EBF2: variants seen among roughly 807,000 people sequenced by gnomAD.
The protein encoded by EBF2 is transcription factor COE2.
In EBF2, 21 loss-of-function variants were observed where a neutral mutation model predicts 72.8. That is an observed-to-expected ratio of 0.29 (90% CI 0.20 to 0.42). The LOEUF is 0.42. EBF2 is among the 10% of genes least tolerant of loss of function. The pLI is 1.00. For missense variants in EBF2, 637 were observed against 731.2 expected, an observed-to-expected ratio of 0.87 and a Z score of 1.49; for synonymous variants, 299 against 274.2, an observed-to-expected ratio of 1.09 and a Z score of -0.89.
At chr8:26,038,141 C>G (rs542947222) in intron 5 of EBF2, among the ~76,000 whole-genome samples, 14 of 152,294 alleles carry the variant, frequency 9.2e-5, no homozygotes, top group Non-Finnish European at 1.5e-4. Context: ...TTGGATGCAT[C>G]TAATATTTGC....
chr8:25,912,084 G>A (rs888564778), intron 6 of EBF2, among the ~76,000 whole-genome samples: 6 of 152,154 alleles, frequency 3.9e-5, no homozygotes, highest in Admixed American at 2.0e-4. Context: ...CAGGGGTCAC[G>A]GAGTGGAGGG....
At chr8:25,881,170 T>A (rs1238911948) in intron 10 of EBF2, among the ~76,000 whole-genome samples, 1 of 152,216 alleles carries the variant, frequency 6.6e-6, no homozygotes. Context: ...GCCAGAATGA[T>A]CTTTTAAAAG....
At chr8:25,865,092 C>T (rs1802287249) in intron 10 of EBF2, among the ~76,000 whole-genome samples, 1 of 152,156 alleles carries the variant, frequency 6.6e-6, no homozygotes, top group African/African-American at 2.4e-5. Flanking sequence ...TGAGCCACCG[C>T]ACCCGGCCTT....
intron 7 of EBF2, among the ~76,000 whole-genome samples, chr8:25,904,513 G>A (rs1374609937): frequency 1.3e-5 from 2 of 152,132 alleles, no homozygotes; most frequent in Admixed American, 1.3e-4. Context: ...ATTCCATTCA[G>A]ATCAAATCCT....
rs771372860 is a variant in EBF2 at position 25,858,304 on chromosome 8, G to A, written c.1528+15C>T. 9.9e-6 allele frequency: 16 copies of A among 1,613,762 alleles called. No homozygotes were observed. The Middle Eastern group carries it at 1.5e-3, about 150-fold the overall frequency. ...AAAAAAGCATGGAGAGCCAAGTGAT[G>A]GAGAGGTCACTTACTTCCATAAGGA... On this transcript the variant is annotated intron_variant, in intron 14 of 15. Transcript: ENST00000520164.
chr8:26,041,363 G>A (rs920143920), intron 2 of EBF2: 18 of 276,522 alleles, frequency 6.5e-5, no homozygotes, highest in Non-Finnish European at 1.2e-4. Flanking sequence ...GGCTTCCCTT[G>A]GCAGAAAAGT....
chr8:25,938,699 G>T (rs1208011676), intron 6 of EBF2, among the ~76,000 whole-genome samples: 1 of 152,132 alleles, frequency 6.6e-6, no homozygotes, highest in Non-Finnish European at 1.5e-5. Context: ...TCTGCTCAGG[G>T]ATGCAGTAAA....
chr8:25,846,300 A>T (rs10503775), intron 15 of EBF2, among the ~76,000 whole-genome samples: 80 of 151,882 alleles, frequency 5.3e-4, no homozygotes, highest in Non-Finnish European at 7.8e-4. Flanking sequence ...ATATTATCTC[A>T]ACAATCTATA....
intron 6 of EBF2, among the ~76,000 whole-genome samples, chr8:26,029,392 A>G (rs1805356263): frequency 6.6e-6 from 1 of 152,192 alleles, no homozygotes; most frequent in Non-Finnish European, 1.5e-5. Context: ...TTACCTTCCC[A>G]TTTTGTTATA....
At chr8:26,038,136 T>G (rs1389422419) in intron 5 of EBF2, among the ~76,000 whole-genome samples, 1 of 152,202 alleles carries the variant, frequency 6.6e-6, no homozygotes, top group Non-Finnish European at 1.5e-5. Flanking sequence ...CCCTTTTGGA[T>G]GCATCTAATA....
At chr8:25,995,468 G>A (rs934983210) in intron 6 of EBF2, among the ~76,000 whole-genome samples, 51 of 152,074 alleles carry the variant, frequency 3.4e-4, no homozygotes, top group African/African-American at 1.1e-3. Flanking sequence ...AATAATAAAC[G>A]TAAATAAGTT....
At chr8:26,037,451 T>C (rs1217078883) in intron 5 of EBF2, among the ~76,000 whole-genome samples, 1 of 152,224 alleles carries the variant, frequency 6.6e-6, no homozygotes, top group East Asian at 1.9e-4. Context: ...GCTTTTGTTT[T>C]GTTTTCTTCT....
chr8:26,043,986 C>T (rs1035505705), intron 1 of EBF2, among the ~76,000 whole-genome samples: 24 of 152,208 alleles, frequency 1.6e-4, no homozygotes, highest in Admixed American at 1.1e-3. Context: ...CAGAGGCTGG[C>T]GATCCCTGAG....
At chr8:26,037,225 T>C (rs994685031) in intron 5 of EBF2, among the ~76,000 whole-genome samples, 2 of 152,078 alleles carry the variant, frequency 1.3e-5, no homozygotes, top group African/African-American at 4.8e-5. Context: ...TCCTGAATCA[T>C]ACCTGCATTT....
intron 6 of EBF2, among the ~76,000 whole-genome samples, chr8:25,926,803 CA>C (rs1312771389): frequency 6.6e-6 from 1 of 152,192 alleles, no homozygotes; most frequent in Non-Finnish European, 1.5e-5. Context: ...TTCTATTCAT[CA>C]CCTTTGAGGC....
Position 25,844,500 on chromosome 8 carries a change from T to C in EBF2, c.*109A>G. 2 of 1,271,176 alleles carry C rather than the reference T, an allele frequency of 1.6e-6. No homozygotes were observed. Among genetic ancestry groups the C allele is most frequent in the Non-Finnish European group, 2.3e-6 (2 of 875,898 alleles). 78.7% of individuals were successfully genotyped at this position (1,271,176 alleles called of 1,614,324 possible). A position where few individuals can be genotyped will look rare whatever the true frequency, so the allele number is the denominator to read the frequency against. On this transcript the variant is annotated 3_prime_UTR_variant, in exon 16 of 16. Transcript: ENST00000520164. ...CTCCTTGCAGACCCAAGGGTGTCCATCATGTTCATGTGGGGGCACCACTAC... is the reference window on the plus strand; with the variant it reads ...CTCCTTGCAGACCCAAGGGTGTCCACCATGTTCATGTGGGGGCACCACTAC...
chr8:25,902,252 A>G (rs1422278939), intron 7 of EBF2, among the ~76,000 whole-genome samples: 1 of 152,138 alleles, frequency 6.6e-6, no homozygotes, highest in Non-Finnish European at 1.5e-5. Flanking sequence ...ACAAGCAGAA[A>G]GAAATAAAGA....
intron 7 of EBF2, among the ~76,000 whole-genome samples, chr8:25,907,311 T>C (rs1223725870): frequency 6.8e-6 from 1 of 147,780 alleles, no homozygotes; most frequent in Non-Finnish European, 1.5e-5. Context: ...TCCTAGCTAC[T>C]CAGGAGGGTG....
intron 6 of EBF2, among the ~76,000 whole-genome samples, chr8:25,988,094 T>C (rs1055070997): frequency 5.3e-5 from 8 of 152,166 alleles, no homozygotes; most frequent in Non-Finnish European, 1.0e-4. Context: ...TTCTTGTCCA[T>C]GGATCCATTT....
Sources: allele counts gnomAD v4.1 joint callset (sites outside exome capture counted in the v4.1 genomes callset), GRCh38; gene constraint gnomAD v4.1.1; transcripts MANE v1.5; gene names NCBI Gene and HGNC (gene_info 2026-07-23, HGNC 2026-07-21).